LTBP1: variants seen among roughly 807,000 people sequenced by gnomAD.
The protein encoded by LTBP1 is latent transforming growth factor beta binding protein 1.
LTBP1 carries 129 observed loss-of-function variants against 207.6 expected under a neutral mutation model. The ratio of observed to expected loss-of-function variants is 0.62; its 90% confidence interval spans 0.54 to 0.72. The LOEUF is 0.72. LTBP1 is among the 30% of genes least tolerant of loss of function. LTBP1 has a pLI of 0.00. For missense variants in LTBP1, 2,281 were observed against 2,217.2 expected, an observed-to-expected ratio of 1.03 and a Z score of -0.58; for synonymous variants, 963 against 833.7, an observed-to-expected ratio of 1.16 and a Z score of -2.67.
intron 28 of LTBP1, among the ~76,000 whole-genome samples, chr2:33,362,068 A>G (rs2094933499): frequency 6.6e-6 from 1 of 152,170 alleles, no homozygotes; most frequent in Non-Finnish European, 1.5e-5. Context: ...ACGGTTATAT[A>G]ATTCTAAAAT....
chr2:33,185,118 C>T (rs2087058089), intron 5 of LTBP1, among the ~76,000 whole-genome samples: 1 of 152,150 alleles, frequency 6.6e-6, no homozygotes, highest in South Asian at 2.1e-4. Flanking sequence ...GGATAAAGCT[C>T]TGGAAGGGTG....
At chr2:33,009,283 A>G (rs1441377850) in intron 2 of LTBP1, among the ~76,000 whole-genome samples, 1 of 152,182 alleles carries the variant, frequency 6.6e-6, no homozygotes, top group East Asian at 1.9e-4. Flanking sequence ...TGAAAACAGA[A>G]GAGTCACATA....
chr2:33,099,352 GTTTAT>G (rs961678029), intron 3 of LTBP1, among the ~76,000 whole-genome samples: 3 of 152,122 alleles, frequency 2.0e-5, no homozygotes, highest in Admixed American at 1.3e-4. Flanking sequence ...TTTTTATTTA[GTTTAT>G]TTTATTTAGC....
intron 31 of LTBP1, among the ~76,000 whole-genome samples, chr2:33,380,724 GT>G (rs1220620844): frequency 2.0e-5 from 3 of 151,752 alleles, no homozygotes; most frequent in African/African-American, 7.3e-5. Context: ...TGTATTTTTT[GT>G]TTCTCTTGAC....
chr2:33,204,604 G>A (rs2089680022), intron 7 of LTBP1, among the ~76,000 whole-genome samples: 1 of 151,214 alleles, frequency 6.6e-6, no homozygotes, highest in African/African-American at 2.4e-5. Context: ...TTAAGAGATA[G>A]GGTCTCACTC....
At chr2:33,261,034 G>C (rs1208807782) in intron 13 of LTBP1, among the ~76,000 whole-genome samples, 5 of 152,210 alleles carry the variant, frequency 3.3e-5, no homozygotes, top group Non-Finnish European at 7.3e-5. Context: ...GAAAAGAAAG[G>C]ATACCCAGAG....
chr2:33,200,854 G>C lies in LTBP1; in HGVS notation c.1701+12003G>C, dbSNP rs557841328. Reference sequence around the variant, plus strand: ...CACTTCTCAAAAGAAGACATTTATGGAGCCAAAAGACACATGAAAAAATGC... The same window carrying C: ...CACTTCTCAAAAGAAGACATTTATGCAGCCAAAAGACACATGAAAAAATGC... On this transcript the variant is annotated intron_variant, in intron 7 of 33. Transcript: ENST00000404816. Among the ~76,000 whole-genome samples the C allele has an allele frequency of 9.7e-3, 1,477 of 152,216 alleles. 18 individuals are homozygous for C. Among genetic ancestry groups the C allele is most frequent in the African/African-American group, 0.034 (1,412 of 41,546 alleles).
intron 7 of LTBP1, among the ~76,000 whole-genome samples, chr2:33,216,448 A>G (rs1479102209): frequency 6.6e-6 from 1 of 152,168 alleles, no homozygotes; most frequent in African/African-American, 2.4e-5. Flanking sequence ...GATGGGGACA[A>G]GAGATTGCCT....
intron 7 of LTBP1, among the ~76,000 whole-genome samples, chr2:33,211,329 T>C (rs1345768217): frequency 1.3e-5 from 2 of 152,180 alleles, no homozygotes; most frequent in South Asian, 2.1e-4. Flanking sequence ...AGGAGGATGA[T>C]TGGGGCCTGG....
intron 31 of LTBP1, among the ~76,000 whole-genome samples, chr2:33,365,818 A>AT (rs1193581949): frequency 5.3e-5 from 8 of 152,182 alleles, no homozygotes; most frequent in Non-Finnish European, 1.0e-4. Context: ...CTGGCAGTTC[A>AT]TTTTTTACTA....
chr2:33,277,789 CTTTCTT>C (rs1237402332), intron 18 of LTBP1, among the ~76,000 whole-genome samples: 1 of 105,242 alleles, frequency 9.5e-6, no homozygotes, highest in African/African-American at 4.1e-5. Context: ...TTCTTTCTTT[CTTTCTT>C]TCTCTCTCTC....
intron 2 of LTBP1, among the ~76,000 whole-genome samples, chr2:33,007,207 G>A (rs889549196): frequency 3.9e-5 from 6 of 152,090 alleles, no homozygotes; most frequent in East Asian, 1.9e-4. Context: ...TCTCGAACTC[G>A]TGACCTCAAG....
chr2:33,295,283 T>C (rs1435379071), intron 20 of LTBP1, among the ~76,000 whole-genome samples: 3 of 152,148 alleles, frequency 2.0e-5, no homozygotes, highest in South Asian at 2.1e-4. Context: ...CACAGCACTT[T>C]GGGAGGCCCA....
At chr2:33,254,852 G>GTT (rs70938393) in intron 11 of LTBP1, among the ~76,000 whole-genome samples, 746 of 10,354 alleles carry the variant, frequency 0.072, 106 homozygotes, top group Middle Eastern at 0.5. Flanking sequence ...GCGGTGTTTG[G>GTT]TTTTTTTTTT....
At chr2:33,226,264 C>T (rs2091433905) in intron 9 of LTBP1, among the ~76,000 whole-genome samples, 1 of 152,118 alleles carries the variant, frequency 6.6e-6, no homozygotes, top group Non-Finnish European at 1.5e-5. Flanking sequence ...TTATAGACAA[C>T]ATGTAGTTGA....
intron 3 of LTBP1, among the ~76,000 whole-genome samples, chr2:33,101,668 A>C (rs951398450): frequency 1.3e-5 from 2 of 152,042 alleles, no homozygotes; most frequent in East Asian, 3.8e-4. Flanking sequence ...TTACATTTTG[A>C]ATTTTTTTTT....
intron 7 of LTBP1, among the ~76,000 whole-genome samples, chr2:33,199,321 A>G (rs531150134): frequency 2.0e-5 from 3 of 152,332 alleles, no homozygotes; most frequent in East Asian, 3.9e-4. Flanking sequence ...ACTTCCAAGT[A>G]TGTGGTCAAT....
chr2:33,273,598 G>A (rs968348177), intron 15 of LTBP1, 58 bp from the exon 16 acceptor site: 19 of 1,375,270 alleles, frequency 1.4e-5, no homozygotes, highest in Middle Eastern at 4.3e-4. Context: ...TTTGAGAGTA[G>A]CAGTGAAATC....
At chr2:32,957,881 G>A (rs1356860496) in intron 2 of LTBP1, among the ~76,000 whole-genome samples, 1 of 152,212 alleles carries the variant, frequency 6.6e-6, no homozygotes. Flanking sequence ...AGCACGTCAT[G>A]TAGACACAGT....
Sources: allele counts gnomAD v4.1 joint callset (sites outside exome capture counted in the v4.1 genomes callset), GRCh38; gene constraint gnomAD v4.1.1; transcripts MANE v1.5; gene names NCBI Gene and HGNC (gene_info 2026-07-23, HGNC 2026-07-21).